LRP1B: variants seen among roughly 807,000 people sequenced by gnomAD.
LRP1B encodes the protein low-density lipoprotein receptor-related protein 1B.
LRP1B carries 217 observed loss-of-function variants against 556.6 expected under a neutral mutation model. The ratio of observed to expected loss-of-function variants is 0.39; its 90% CI spans 0.35 to 0.44. The LOEUF is 0.44. Among genes scored for constraint, LRP1B ranks in the 20% least tolerant of loss-of-function variants. The pLI is 1.00. For synonymous variants in LRP1B, 2,047 were observed against 1,865.8 expected, an observed-to-expected ratio of 1.10 and a Z score of -2.50; for missense variants, 5,053 against 5,620.8, an observed-to-expected ratio of 0.90 and a Z score of 3.23.
At chr2:140,317,645 A>G (rs1684584491) in intron 82 of LRP1B, among the ~76,000 whole-genome samples, 1 of 152,182 alleles carries the variant, frequency 6.6e-6, no homozygotes, top group Non-Finnish European at 1.5e-5. Flanking sequence ...TTACCAAAGC[A>G]TTTCTAACTC....
At chr2:141,435,793 T>C (rs866163036) in intron 3 of LRP1B, among the ~76,000 whole-genome samples, 3 of 152,194 alleles carry the variant, frequency 2.0e-5, no homozygotes, top group Non-Finnish European at 4.4e-5. Flanking sequence ...AGAGCTTCTG[T>C]ACTATGAGTG....
chr2:141,730,313 T>C (rs1325286385), intron 2 of LRP1B, among the ~76,000 whole-genome samples: 1 of 152,114 alleles, frequency 6.6e-6, no homozygotes, highest in Non-Finnish European at 1.5e-5. Context: ...ATCCTCGCTG[T>C]CATCATCATT....
chr2:140,769,370 G>A (rs747407864), intron 34 of LRP1B, 26 bp from the exon 35 acceptor site: 1 of 1,570,494 alleles, frequency 6.4e-7, no homozygotes, highest in Admixed American at 1.9e-5. Flanking sequence ...GAGATAAGGG[G>A]GGGAAGGGAA....
chr2:140,549,464 A>G (rs1218301576), intron 43 of LRP1B, among the ~76,000 whole-genome samples: 1 of 152,158 alleles, frequency 6.6e-6, no homozygotes, highest in Non-Finnish European at 1.5e-5. Flanking sequence ...CTGCCAGCCA[A>G]AATGGTGTAA....
chr2:142,069,796 TATAGTTAA>T (rs1204773763), intron 1 of LRP1B, among the ~76,000 whole-genome samples: 1 of 151,648 alleles, frequency 6.6e-6, no homozygotes, highest in African/African-American at 2.4e-5. Flanking sequence ...AATACTTGCT[TATAGTTAA>T]ATTTATATAT....
chr2:141,399,273 C>G (rs1690359615), intron 3 of LRP1B, among the ~76,000 whole-genome samples: 1 of 151,908 alleles, frequency 6.6e-6, no homozygotes, highest in Non-Finnish European at 1.5e-5. Flanking sequence ...ATAAATAAAG[C>G]CAAATTCCAT....
intron 7 of LRP1B, among the ~76,000 whole-genome samples, chr2:141,139,784 T>C (rs879712276): frequency 0.22 from 4,802 of 21,882 alleles, 112 homozygotes; most frequent in Middle Eastern, 0.45. Flanking sequence ...TGGAAAAATG[T>C]GTGTGTGTGT....
intron 2 of LRP1B, among the ~76,000 whole-genome samples, chr2:141,531,362 A>G (rs189971787): frequency 3.1e-4 from 47 of 152,250 alleles, no homozygotes; most frequent in African/African-American, 1.1e-3. Flanking sequence ...AGCTCCTGAC[A>G]TATTGAGCTT....
rs184969405 is a variant in LRP1B, at chr2:140,902,350, T to C, written c.3766+570A>G. The stretch of plus-strand genomic sequence containing the variant: ...AATGGTTAAAATGGGCAACATTACT[T>C]GAAAAATGAGAAAACTGAAGCTCCA... On this transcript the variant is annotated intron_variant, in intron 23 of 90. Coordinates refer to ENST00000389484, the MANE Select transcript of LRP1B (RefSeq NM_018557.3). Among the ~76,000 whole-genome samples, 7 of 152,228 alleles carry C rather than the reference T, an allele frequency of 4.6e-5. No individual in the cohort carries two copies. In the East Asian group the frequency reaches 1.4e-3, roughly 29 times the overall value.
chr2:141,122,477 C>A (rs1021918398), intron 7 of LRP1B, among the ~76,000 whole-genome samples: 2,165 of 151,274 alleles, frequency 0.014, 61 homozygotes, highest in African/African-American at 0.05. Context: ...GACATTTATG[C>A]AGCCAACAGA....
At chr2:141,907,875 G>C (rs1174594967) in intron 1 of LRP1B, among the ~76,000 whole-genome samples, 1 of 151,806 alleles carries the variant, frequency 6.6e-6, no homozygotes, top group African/African-American at 2.4e-5. Flanking sequence ...CTTCCCCCAA[G>C]CCTGGCTTTT....
intron 2 of LRP1B, among the ~76,000 whole-genome samples, chr2:141,493,793 A>G (rs1683420416): frequency 6.6e-6 from 1 of 152,158 alleles, no homozygotes. Context: ...TAAACTGCAT[A>G]GAGGAACTGT....
intron 59 of LRP1B, among the ~76,000 whole-genome samples, chr2:140,480,840 T>C (rs909269518): frequency 6.6e-6 from 1 of 152,136 alleles, no homozygotes; most frequent in Non-Finnish European, 1.5e-5. Context: ...CTTTCTTCAT[T>C]TCCAAAAAAC....
At chr2:140,775,457 T>C (rs1312400314) in intron 33 of LRP1B, among the ~76,000 whole-genome samples, 2 of 141,508 alleles carry the variant, frequency 1.4e-5, no homozygotes, top group Non-Finnish European at 3.0e-5. Flanking sequence ...AGTATATTTT[T>C]TTTTGGTTGA....
chr2:141,703,303 A>G (rs983985899), intron 2 of LRP1B, among the ~76,000 whole-genome samples: 1 of 151,890 alleles, frequency 6.6e-6, no homozygotes, highest in African/African-American at 2.4e-5. Flanking sequence ...AGAAAGACAA[A>G]CCTGTGCTTA....
chr2:141,664,194 C>T (rs1158626698), intron 2 of LRP1B, among the ~76,000 whole-genome samples: 1 of 152,136 alleles, frequency 6.6e-6, no homozygotes, highest in Non-Finnish European at 1.5e-5. Context: ...AATGTCCCTT[C>T]ATGTTAAAAA....
At chr2:140,258,682 C>T (rs1681803102) in intron 86 of LRP1B, among the ~76,000 whole-genome samples, 2 of 151,908 alleles carry the variant, frequency 1.3e-5, no homozygotes, top group Non-Finnish European at 2.9e-5. Flanking sequence ...CATTTTTAAT[C>T]CTCAAAACAA....
chr2:141,060,427 C>T (rs1467288530), intron 8 of LRP1B, among the ~76,000 whole-genome samples: 1 of 151,734 alleles, frequency 6.6e-6, no homozygotes, highest in Non-Finnish European at 1.5e-5. Context: ...TTCCACCTAG[C>T]TGACATCAAA....
chr2:140,321,065 A>G (rs1420027269), intron 82 of LRP1B, among the ~76,000 whole-genome samples: 2 of 152,090 alleles, frequency 1.3e-5, no homozygotes, highest in Non-Finnish European at 2.9e-5. Context: ...GTAAGAATGA[A>G]TGAATAAAAT....
Sources: gnomAD v4.1 joint callset for allele counts (sites outside exome capture counted in the v4.1 genomes callset) on GRCh38, gnomAD v4.1.1 for gene constraint, MANE v1.5 for transcripts, NCBI Gene and HGNC (gene_info 2026-07-23, HGNC 2026-07-21) for gene names.